The following MYH14 variants were observed in gnomAD, a reference collection of about 807,000 sequenced individuals.
MYH14 encodes the protein myosin heavy chain 14.
A neutral mutation model predicts 255.5 loss-of-function variants in MYH14; 123 were observed. The ratio of observed to expected loss-of-function variants is 0.48; its 90% CI spans 0.42 to 0.56. The LOEUF is 0.56. Ranked by LOEUF, MYH14 falls within the 20% of genes least tolerant of loss-of-function variation. MYH14 has a pLI of 0.00. For synonymous variants in MYH14, 1,095 were observed against 1,161.2 expected (o/e 0.94, Z 1.16); for missense variants, 2,423 against 2,802.3 (o/e 0.86, Z 3.06).
intron 20 of MYH14, 22 bp downstream of exon 20, chr19:50,260,737 A>ATGCGTGTG (rs760327563): frequency 6.5e-7 from 1 of 1,534,586 alleles, no homozygotes. Flanking sequence ...AGAGCCTGGA[A>ATGCGTGTG]TGCGTGTGTG....
rs1269242634 is a variant in MYH14, at chr19:50,275,979, T to C, written c.3468-12T>C. The C allele has an allele frequency of 6.2e-7, 1 of 1,607,878 alleles. No homozygotes were observed. The highest frequency in any genetic ancestry group is 1.3e-5 in the African/African-American group (1 of 74,818). ...GCCCCTGTATCAACTCCACGGTTCTTGTCACCCCCAGGGCAGAAGACGAGG... is the reference window on the plus strand; with the variant it reads ...GCCCCTGTATCAACTCCACGGTTCTCGTCACCCCCAGGGCAGAAGACGAGG... On this transcript the variant is annotated splice_polypyrimidine_tract_variant and intron_variant, in intron 27 of 42. Coordinates refer to ENST00000642316, the MANE Select transcript of MYH14 (RefSeq NM_001145809.2).
chr19:50,275,761 G>C (rs2035480169), intron 27 of MYH14, among the ~76,000 whole-genome samples: 1 of 152,204 alleles, frequency 6.6e-6, no homozygotes, highest in South Asian at 2.1e-4. Context: ...AGGAATTTGA[G>C]GCTGCAGTGA....
At chr19:50,286,461 C>T in intron 33 of MYH14, 21 bp from the exon 34 acceptor site, 1 of 1,604,056 alleles carries the variant, frequency 6.2e-7, no homozygotes, top group South Asian at 1.1e-5. Context: ...TCCCCCTACC[C>T]CATCTCCCTC....
chr19:50,247,460 C>T (rs142432378), intron 12 of MYH14, among the ~76,000 whole-genome samples: 2 of 151,698 alleles, frequency 1.3e-5, no homozygotes, highest in Non-Finnish European at 2.9e-5. Context: ...GCTGTAATTG[C>T]GCCACTGCAC....
chr19:50,308,871 G>C (rs1258169521), intron 41 of MYH14, 134 bp from the exon 42 acceptor site: 3 of 871,058 alleles, frequency 3.4e-6, no homozygotes, highest in Non-Finnish European at 5.3e-6. Context: ...AAAGAACAAG[G>C]CCTAAACAGA....
At chr19:50,299,818 G>A (rs1404810965) in intron 39 of MYH14, among the ~76,000 whole-genome samples, 9 of 151,744 alleles carry the variant, frequency 5.9e-5, no homozygotes, top group African/African-American at 2.2e-4. Context: ...GGTGGTGCGT[G>A]CCTGTAATCC....
chr19:50,223,038 A>C, intron 3 of MYH14, 45 bp from the exon 4 acceptor site: 1 of 1,591,086 alleles, frequency 6.3e-7, no homozygotes, highest in South Asian at 1.1e-5. Context: ...GGGCCCTGCT[A>C]GAGACTCTCT....
chr19:50,283,994 T>C (rs2434830), intron 33 of MYH14, among the ~76,000 whole-genome samples: 81,053 of 151,460 alleles, frequency 0.54, 24,055 homozygotes, highest in African/African-American at 0.8. Context: ...ATCGCTTGAA[T>C]CTGGGAGGCG....
At position 50,289,450 on chromosome 19, in the gene MYH14, A is replaced by G. The variant is rs758212141; in HGVS notation, c.4767A>G (p.Glu1589=). 15 of 1,609,458 alleles carry G rather than the reference A, an allele frequency of 9.3e-6. No homozygotes were observed. The highest frequency in any genetic ancestry group is 4.2e-6 in the Non-Finnish European group (5 of 1,178,238). Reference sequence around the variant, plus strand: ...CTCCCCACCAGGTGCATGAGCTGGAACGAGCCTGCCGGGTAGCAGAACAGG... The same window carrying G: ...CTCCCCACCAGGTGCATGAGCTGGAGCGAGCCTGCCGGGTAGCAGAACAGG... ...DDVGKSVHEL[E]RACRVAEQAA... Residue 1589 remains glutamate, a synonymous_variant, in exon 35 of 43, where the codon GAA becomes GAG. Transcript: ENST00000642316.
chr19:50,217,555 A>G, intron 2 of MYH14, 60 bp from the exon 3 acceptor site: 18 of 1,606,458 alleles, frequency 1.1e-5, no homozygotes, highest in Admixed American at 1.7e-5. Flanking sequence ...CAGCAGCCCC[A>G]TGACGCCTTT....
chr19:50,272,477 G>T, intron 26 of MYH14, 83 bp from the exon 27 acceptor site: 1 of 1,431,692 alleles, frequency 7.0e-7, no homozygotes. Context: ...CCTTATATGT[G>T]ACTGGGGACC....
chr19:50,286,358 T>G, intron 33 of MYH14, 124 bp from the exon 34 acceptor site: 1 of 964,162 alleles, frequency 1.0e-6, no homozygotes, highest in Non-Finnish European at 1.5e-6. Context: ...CCCTCTTGTG[T>G]CTCTGCCTTT....
In MYH14 at chr19:50,266,976, G is replaced by T; in HGVS notation, c.2794G>T (p.Glu932Ter). 6.4e-7 allele frequency: 1 copy of T among 1,566,952 alleles called. No homozygotes were observed. The highest frequency in any genetic ancestry group is 8.6e-7 in the Non-Finnish European group (1 of 1,156,370). ...GGAGCTACAGCAGCAGAGCGCCCGC[G>T]AAGTTGGGGAGCTCCAGGGCCGAGT... is the stretch of plus-strand genomic sequence containing the variant. ...VQELQQQSAR[E>*]VGELQGRVAQ... The change falls in exon 23 of 43, where the codon GAA becomes TAA. Residue 932 changes from glutamate to a stop codon, truncating the protein, a stop_gained. Transcript: ENST00000642316. LOFTEE classifies it high-confidence loss of function. The surrounding 1 kb of genome is among the most constrained non-coding windows in gnomAD (Gnocchi z 4.1).
At chr19:50,297,489 C>CT (rs1568552510) in intron 39 of MYH14, among the ~76,000 whole-genome samples, 2 of 54,998 alleles carry the variant, frequency 3.6e-5, no homozygotes, top group Admixed American at 5.5e-4. Flanking sequence ...GTCTCATCTC[C>CT]TCTTTTTTTT....
chr19:50,281,492 T>C, intron 32 of MYH14, 102 bp from the exon 33 acceptor site: 2 of 1,491,076 alleles, frequency 1.3e-6, no homozygotes, highest in Non-Finnish European at 1.8e-6. Flanking sequence ...CCTTTCCCTC[T>C]TCAGGCCTCA....
chr19:50,281,677 G>T lies in MYH14; in HGVS notation c.4374G>T (p.Glu1458Asp), dbSNP rs771702375. The change falls in exon 33 of 43, where the codon GAG becomes GAT. Residue 1458 changes from glutamate to aspartate, a missense_variant. Physicochemically the swap from Glu to Asp is conservative, Grantham distance 45. Coordinates refer to ENST00000642316, the MANE Select transcript of MYH14 (RefSeq NM_001145809.2). ...AGGCACGGCGCCGGGCAGCCCGGGA[G>T]GCCGAGGCCCTGACCCAGCGCCTGG... ...GEEARRRAAREAEALTQRLAE... is the reference protein window; with the variant it reads ...GEEARRRAARDAEALTQRLAE... 1.2e-6 allele frequency: 2 copies of T among 1,610,982 alleles called. No individual in the cohort carries two copies. Among genetic ancestry groups the T allele is most frequent in the East Asian group, 2.2e-5 (1 of 44,848 alleles).
intron 1 of MYH14, among the ~76,000 whole-genome samples, chr19:50,209,905 C>T (rs569872748): frequency 6.6e-6 from 1 of 151,564 alleles, no homozygotes; most frequent in East Asian, 1.9e-4. Context: ...CGAGACCAGC[C>T]TGGCCAACAT....
At chr19:50,249,343 G>T (rs1362709748) in intron 13 of MYH14, 1 of 633,940 alleles carries the variant, frequency 1.6e-6, no homozygotes, top group Admixed American at 3.4e-5. Flanking sequence ...TCTCTCTCTG[G>T]GTCTCTGTCC....
intron 34 of MYH14, among the ~76,000 whole-genome samples, chr19:50,287,307 A>G (rs533528468): frequency 2.0e-5 from 3 of 152,394 alleles, no homozygotes; most frequent in Admixed American, 2.0e-4. Context: ...CATCCAGCAC[A>G]TGTGTTCACA....
Sources: gnomAD v4.1 joint callset for allele counts (sites outside exome capture counted in the v4.1 genomes callset) on GRCh38, gnomAD v4.1.1 for gene constraint, Gnocchi (gnomAD v3.1) non-coding constraint, MANE v1.5 for transcripts, NCBI Gene and HGNC (gene_info 2026-07-23, HGNC 2026-07-21) for gene names.